Variants in FSD2 observed in about 807,000 individuals in gnomAD.
FSD2 encodes fibronectin type III and SPRY domain containing 2, also known as fibronectin type III and SPRY domain-containing protein 2.
Under a neutral mutation model 80.4 loss-of-function variants are expected in FSD2, and 71 were observed. The ratio of observed to expected loss-of-function variants is 0.88; its 90% CI spans 0.73 to 1.08. The LOEUF (loss-of-function observed/expected upper bound fraction) is 1.08, where lower values mean the gene tolerates loss of function less well. FSD2 is among the 50% of genes least tolerant of loss of function. The pLI is 0.00. For missense variants in FSD2, 923 were observed against 913.8 expected (o/e 1.01, Z -0.13); for synonymous variants, 361 against 329.5 (o/e 1.10, Z -1.03).
At position 82,759,201 on chromosome 15, in the gene FSD2, T is replaced by G; in HGVS notation, c.*147A>C. On this transcript the variant is annotated 3_prime_UTR_variant, in exon 13 of 13. Transcript: ENST00000334574. The stretch of plus-strand genomic sequence containing the variant: ...GGACTAGAATCCAGGTTGGGTGAAA[T>G]GAGCGCTAGCACACCAGTCAGATAA... 1 of 856,046 alleles carries G rather than the reference T, an allele frequency of 1.2e-6. No individual in the cohort carries two copies. The highest frequency in any genetic ancestry group is 1.7e-6 in the Non-Finnish European group (1 of 571,642). The allele number at this position is 856,046 out of a possible 1,614,324, so 53.0% of individuals were successfully genotyped here. A position where few individuals can be genotyped will look rare whatever the true frequency, so the allele number is the denominator to read the frequency against.
At chr15:82,794,258 T>C (rs1178774007) in intron 1 of FSD2, among the ~76,000 whole-genome samples, 1 of 152,188 alleles carries the variant, frequency 6.6e-6, no homozygotes, top group Non-Finnish European at 1.5e-5. Flanking sequence ...AGGAGTGTGT[T>C]GTTTAATTTC....
At position 82,786,844 on chromosome 15, in the gene FSD2, A is replaced by C; in HGVS notation, c.547T>G (p.Cys183Gly). Residue 183 changes from cysteine (C) to glycine (G), a missense_variant, in exon 2 of 13, where the codon TGT becomes GGT. Transcript: ENST00000334574. Reference protein sequence around the residue: ...EEAADVFCVTCKTPIRAFQKV... With the variant: ...EEAADVFCVTGKTPIRAFQKV... Reference sequence around the variant, plus strand: ...TGAAAAGCTCTTATTGGAGTCTTACAAGTGACACAGAAGACATCAGCAGCT... The same window carrying C: ...TGAAAAGCTCTTATTGGAGTCTTACCAGTGACACAGAAGACATCAGCAGCT... The C allele has an allele frequency of 1.2e-6, 2 of 1,614,012 alleles. No individual in the cohort carries two copies. Among genetic ancestry groups the C allele is most frequent in the Non-Finnish European group, 1.7e-6 (2 of 1,179,906 alleles).
intron 4 of FSD2, among the ~76,000 whole-genome samples, chr15:82,782,403 A>AAAACC (rs1028261858): frequency 6.6e-6 from 1 of 152,218 alleles, no homozygotes; most frequent in Non-Finnish European, 1.5e-5. Flanking sequence ...CCGTCTCAAA[A>AAAACC]AAACCAAACC....
intron 7 of FSD2, among the ~76,000 whole-genome samples, chr15:82,770,804 G>C (rs2049549874): frequency 6.6e-6 from 1 of 152,214 alleles, no homozygotes; most frequent in Non-Finnish European, 1.5e-5. Context: ...TTGAAAGGCA[G>C]TGATAACTCC....
In FSD2 at chr15:82,774,448, C is replaced by G. The variant is rs545506974; in HGVS notation, c.1112-2220G>C. 2.0e-5 allele frequency among the ~76,000 whole-genome samples: 3 copies of G among 152,292 alleles called. No homozygotes were observed. In the South Asian group the frequency reaches 6.2e-4, roughly 32 times the overall value. On this transcript the variant is annotated intron_variant, in intron 6 of 12. Coordinates refer to ENST00000334574, the MANE Select transcript of FSD2 (RefSeq NM_001007122.4). ...CATAAGTTTTCTCATTTAATTCTTA[C>G]CATATTCCTATGAGGTATTATGATG...
At chr15:82,794,080 G>C (rs1416426482) in intron 1 of FSD2, among the ~76,000 whole-genome samples, 9 of 151,278 alleles carry the variant, frequency 5.9e-5, no homozygotes, top group Admixed American at 5.9e-4. Context: ...TTAATGTATT[G>C]ATTTGAGATC....
chr15:82,780,691 T>C (rs1445333991), intron 4 of FSD2, among the ~76,000 whole-genome samples: 2 of 151,746 alleles, frequency 1.3e-5, no homozygotes, highest in Non-Finnish European at 2.9e-5. Flanking sequence ...TATAACTATA[T>C]ATGTGATAAT....
intron 12 of FSD2, among the ~76,000 whole-genome samples, chr15:82,760,370 T>C (rs2049264723): frequency 6.6e-6 from 1 of 152,182 alleles, no homozygotes; most frequent in Admixed American, 6.5e-5. Context: ...TATATCACTA[T>C]CCATGCTCTA....
intron 1 of FSD2, among the ~76,000 whole-genome samples, chr15:82,794,966 T>A (rs943095112): frequency 2.0e-5 from 3 of 152,138 alleles, no homozygotes; most frequent in Non-Finnish European, 4.4e-5. Context: ...CCTCGTGATC[T>A]GCCCGCCTGG....
At chr15:82,801,501 G>C (rs1384269887) in intron 1 of FSD2, among the ~76,000 whole-genome samples, 2 of 152,108 alleles carry the variant, frequency 1.3e-5, no homozygotes, top group Non-Finnish European at 2.9e-5. Flanking sequence ...TGAGCCCCTG[G>C]GGACCTTCTC....
intron 1 of FSD2, among the ~76,000 whole-genome samples, chr15:82,790,701 T>G (rs1025825515): frequency 2.0e-5 from 3 of 146,870 alleles, no homozygotes; most frequent in South Asian, 2.2e-4. Flanking sequence ...TCAGCCTCCC[T>G]AGTAGCTGGG....
At chr15:82,769,330 G>A (rs2049501386) in intron 8 of FSD2, among the ~76,000 whole-genome samples, 1 of 152,136 alleles carries the variant, frequency 6.6e-6, no homozygotes, top group Non-Finnish European at 1.5e-5. Flanking sequence ...AGCACTTTGG[G>A]AGGCCGAGGC....
At chr15:82,773,702 C>T (rs2049642797) in intron 6 of FSD2, among the ~76,000 whole-genome samples, 2 of 151,962 alleles carry the variant, frequency 1.3e-5, no homozygotes, top group African/African-American at 4.8e-5. Flanking sequence ...AAGAATGGTC[C>T]CCAAGATCTA....
chr15:82,786,497 A>C lies in FSD2; in HGVS notation c.735+14T>G. 6.3e-7 allele frequency: 1 copy of C among 1,596,616 alleles called. No individual in the cohort carries two copies. Among genetic ancestry groups the C allele is most frequent in the Non-Finnish European group, 8.6e-7 (1 of 1,165,026 alleles). On this transcript the variant is annotated intron_variant, in intron 3 of 12. Coordinates refer to ENST00000334574, the MANE Select transcript of FSD2 (RefSeq NM_001007122.4). ...GAAATGTGAGTCTGATGAGGTCTTC[A>C]AGTGTGCTCTTACCTCCACAGTGAT...
chr15:82,800,061 A>G (rs12899020), intron 1 of FSD2, among the ~76,000 whole-genome samples: 26,409 of 151,922 alleles, frequency 0.17, 2,616 homozygotes, highest in Middle Eastern at 0.23. Context: ...CCTCTTCCTC[A>G]GCCTTTATTT....
At chr15:82,788,283 C>T (rs928015449) in intron 1 of FSD2, among the ~76,000 whole-genome samples, 1 of 149,070 alleles carries the variant, frequency 6.7e-6, no homozygotes, top group Non-Finnish European at 1.5e-5. Flanking sequence ...ATTGCTTGAG[C>T]TCAGGAGTTC....
At chr15:82,794,746 A>G (rs1234011342) in intron 1 of FSD2, among the ~76,000 whole-genome samples, 1 of 139,920 alleles carries the variant, frequency 7.1e-6, no homozygotes, top group African/African-American at 2.7e-5. Flanking sequence ...TTTTTTTGAG[A>G]AGGAGTCTCG....
rs1267385038 is a variant in FSD2 at position 82,756,735 on chromosome 15, G to A, written c.*2613C>T. The A allele has an allele frequency of 6.6e-6, 1 of 152,222 alleles. No homozygotes were observed. The highest frequency in any genetic ancestry group is 1.5e-5 in the Non-Finnish European group (1 of 68,034). 9.4% of individuals were successfully genotyped at this position (152,222 alleles called of 1,614,324 possible). A position where few individuals can be genotyped will look rare whatever the true frequency, so the allele number is the denominator to read the frequency against. ...TCTTTTTCCCCTTTGTTAAGGTGGG[G>A]AGGCCACAGCTTATGTGAATGACTT... On this transcript the variant is annotated 3_prime_UTR_variant, in exon 13 of 13. Transcript: ENST00000334574.
At chr15:82,802,064 G>C (rs567893087) in intron 1 of FSD2, among the ~76,000 whole-genome samples, 2 of 152,112 alleles carry the variant, frequency 1.3e-5, no homozygotes, top group African/African-American at 4.8e-5. Flanking sequence ...TTATGGGGAG[G>C]TTACTACTAA....
Sources: allele counts gnomAD v4.1 joint callset (sites outside exome capture counted in the v4.1 genomes callset), GRCh38; gene constraint gnomAD v4.1.1; transcripts MANE v1.5; gene names NCBI Gene and HGNC (gene_info 2026-07-23, HGNC 2026-07-21).